The following ZNF423 variants were observed in gnomAD, a reference collection of about 807,000 sequenced individuals.
ZNF423 encodes the protein Ebf-associated zinc finger protein.
ZNF423 carries 12 observed loss-of-function variants against 95.8 expected under a neutral mutation model. The ratio of observed to expected loss-of-function variants is 0.13; its 90% CI spans 0.08 to 0.20. The LOEUF is 0.20. Among genes scored for constraint, ZNF423 ranks in the 10% least tolerant of loss-of-function variants. The pLI, the probability that ZNF423 is intolerant of heterozygous loss-of-function variation, is 1.00. For synonymous variants in ZNF423, 749 were observed against 711.9 expected, an observed-to-expected ratio of 1.05 and a Z score of -0.83; for missense variants, 1,316 against 1,737.1, an observed-to-expected ratio of 0.76 and a Z score of 4.31.
intron 1 of ZNF423, among the ~76,000 whole-genome samples, chr16:49,805,606 C>T (rs1301567416): frequency 1.3e-5 from 2 of 152,150 alleles, no homozygotes; most frequent in Admixed American, 6.5e-5. Context: ...AGGCAAAGCT[C>T]GCCAGGCAGG....
At position 49,529,091 on chromosome 16, in the gene ZNF423, G is replaced by C. The variant is rs535818256; in HGVS notation, c.3602-3597C>G. 9.2e-5 allele frequency among the ~76,000 whole-genome samples: 14 copies of C among 151,588 alleles called. No homozygotes were observed. The South Asian group carries it at 2.7e-3, about 29-fold the overall frequency. ...CAGCGTGGGGACTGGAGGATTTTGT[G>C]AGTTAAGACGCACAATTGCTTCCCT... is the stretch of plus-strand genomic sequence containing the variant. On this transcript the variant is annotated intron_variant, in intron 5 of 7. Transcript: ENST00000563137.
chr16:49,855,951 G>C lies in ZNF423; in HGVS notation c.-177C>G, dbSNP rs895385648. On this transcript the variant is annotated 5_prime_UTR_variant, in exon 1 of 8. Transcript: ENST00000563137. This position sits in a 1 kb window ranked among gnomAD's most constrained non-coding sequence, Gnocchi z 4.7. The stretch of plus-strand genomic sequence containing the variant: ...GCAGGTCCGGGGCGGCCTCCCTTGG[G>C]GGGGCAGCCCGGGCCGGCCGAGGCC... 7 of 150,654 alleles carry C rather than the reference G, an allele frequency of 4.6e-5. No homozygotes were observed. The highest frequency in any genetic ancestry group is 9.7e-5 in the African/African-American group (4 of 41,228). 9.3% of individuals were successfully genotyped at this position (150,654 alleles called of 1,614,324 possible).
chr16:49,851,874 C>T (rs1362623), intron 1 of ZNF423, among the ~76,000 whole-genome samples: 22,578 of 152,156 alleles, frequency 0.15, 2,041 homozygotes, highest in Non-Finnish European at 0.2. Context: ...AGCTGGGAAT[C>T]GATAACTTAA....
intron 1 of ZNF423, among the ~76,000 whole-genome samples, chr16:49,800,232 A>G (rs2034561122): frequency 6.7e-6 from 1 of 150,246 alleles, no homozygotes; most frequent in Non-Finnish European, 1.5e-5. Context: ...TGACAGAATG[A>G]GGCTCTGTCT....
rs764916396 is a variant in ZNF423, at chr16:49,822,678, T to G, written c.40+33057A>C. The G allele has an allele frequency of 3.9e-5, 63 of 1,612,196 alleles. 1 individual carries two copies. In the Middle Eastern group the frequency reaches 5.0e-4, roughly 13 times the overall value. The stretch of plus-strand genomic sequence containing the variant: ...AGGCCTCCCCTGCTCACCCCTCTTC[T>G]TATGCATCCATGTCTTTCTTCTTTT... On this transcript the variant is annotated intron_variant, in intron 1 of 7. Transcript: ENST00000563137.
chr16:49,514,760 G>T (rs1005106667), intron 7 of ZNF423, among the ~76,000 whole-genome samples: 2 of 152,158 alleles, frequency 1.3e-5, no homozygotes, highest in African/African-American at 4.8e-5. Flanking sequence ...CTTTGCCACC[G>T]CGGGCCCGGC....
chr16:49,836,688 G>C (rs2035123703), intron 1 of ZNF423, among the ~76,000 whole-genome samples: 1 of 152,146 alleles, frequency 6.6e-6, no homozygotes, highest in Admixed American at 6.5e-5. Flanking sequence ...GAAGCCCTCA[G>C]AGAGCCCTGG....
chr16:49,638,846 C>A lies in ZNF423; in HGVS notation c.330G>T (p.Trp110Cys). ...GDGDDDPQLSWVASSPSSKDV... is the reference protein window; with the variant it reads ...GDGDDDPQLSCVASSPSSKDV... ...CCTTGCTGGAGGGAGACGAGGCCACCCAGGAGAGTTGTGGGTCGTCATCAC... is the reference window on the plus strand; with the variant it reads ...CCTTGCTGGAGGGAGACGAGGCCACACAGGAGAGTTGTGGGTCGTCATCAC... The change falls in exon 4 of 8, where the codon TGG becomes TGT. Residue 110 changes from tryptophan (W) to cysteine (C), a missense_variant. Around this residue, in one of 6 missense-constraint regions of ZNF423, gnomAD observed 155 missense variants for 170.8 expected, o/e 0.91. Transcript: ENST00000563137. The surrounding 1 kb of genome is among the most constrained non-coding windows in gnomAD (Gnocchi z 5.6). 6.2e-7 allele frequency: 1 copy of A among 1,610,742 alleles called. No individual in the cohort carries two copies. Among genetic ancestry groups the A allele is most frequent in the South Asian group, 1.1e-5 (1 of 90,616 alleles).
chr16:49,747,779 T>G (rs1487567843), intron 2 of ZNF423, among the ~76,000 whole-genome samples: 1 of 152,254 alleles, frequency 6.6e-6, no homozygotes, highest in East Asian at 1.9e-4. Flanking sequence ...GAGAAGGCAC[T>G]GAAGAAGACA....
intron 5 of ZNF423, among the ~76,000 whole-genome samples, chr16:49,591,084 T>C (rs574621250): frequency 6.6e-6 from 1 of 152,316 alleles, no homozygotes; most frequent in Non-Finnish European, 1.5e-5. Flanking sequence ...GGGGAAATGA[T>C]TACAAAATAA....
At chr16:49,744,544 C>CCCCAGCTCGGGGTTGGGGTGTA (rs749451884) in intron 2 of ZNF423, among the ~76,000 whole-genome samples, 4,187 of 152,080 alleles carry the variant, frequency 0.028, 178 homozygotes, top group East Asian at 0.18. Flanking sequence ...GCCAGGGTGT[C>CCCCAGCTCGGGGTTGGGGTGTA]CCCAGCTCGG....
Position 49,855,595 on chromosome 16 carries a change from C to T in ZNF423, c.40+140G>A. On this transcript the variant is annotated intron_variant, in intron 1 of 7. Transcript: ENST00000563137. This position sits in a 1 kb window ranked among gnomAD's most constrained non-coding sequence, Gnocchi z 4.7. ...TCCTCCGCCTCCGCCTCCGCCTCCG[C>T]CTCCTCTGCCGCCTCCTCCTCCTCC... 5.5e-6 allele frequency: 1 copy of T among 183,306 alleles called. No individual in the cohort carries two copies. 11.4% of individuals were successfully genotyped at this position (183,306 alleles called of 1,614,324 possible).
At chr16:49,619,324 T>C (rs1971980061) in intron 5 of ZNF423, among the ~76,000 whole-genome samples, 1 of 152,160 alleles carries the variant, frequency 6.6e-6, no homozygotes, top group Admixed American at 6.5e-5. Context: ...AGGTTACTAC[T>C]AGAAGAAACC....
chr16:49,841,286 C>T (rs550260789), intron 1 of ZNF423, among the ~76,000 whole-genome samples: 1 of 152,302 alleles, frequency 6.6e-6, no homozygotes, highest in South Asian at 2.1e-4. Flanking sequence ...CTTCTCCTAT[C>T]CCCAGGCACA....
intron 4 of ZNF423, among the ~76,000 whole-genome samples, chr16:49,630,924 G>C (rs904532612): frequency 6.6e-6 from 1 of 151,900 alleles, no homozygotes; most frequent in Non-Finnish European, 1.5e-5. Flanking sequence ...ATACACACAA[G>C]ACACACACAC....
chr16:49,768,457 C>CA (rs1373383304), intron 2 of ZNF423, among the ~76,000 whole-genome samples: 3 of 152,352 alleles, frequency 2.0e-5, no homozygotes, highest in African/African-American at 7.2e-5. Context: ...CCGGTGTCAT[C>CA]AAGGTCACGG....
At chr16:49,678,286 CTG>C (rs2031206282) in intron 3 of ZNF423, among the ~76,000 whole-genome samples, 1 of 133,962 alleles carries the variant, frequency 7.5e-6, no homozygotes, top group African/African-American at 2.7e-5. Context: ...GTTTAGACAA[CTG>C]TGAGGTTTTT....
At chr16:49,704,673 T>C (rs1410593016) in intron 3 of ZNF423, among the ~76,000 whole-genome samples, 1 of 152,164 alleles carries the variant, frequency 6.6e-6, no homozygotes, top group Non-Finnish European at 1.5e-5. Flanking sequence ...GGAGGGAGTA[T>C]GAAGGTTTGT....
intron 3 of ZNF423, among the ~76,000 whole-genome samples, chr16:49,661,654 C>T (rs951460034): frequency 7.9e-5 from 12 of 152,220 alleles, no homozygotes; most frequent in African/African-American, 2.4e-4. Flanking sequence ...AATCAGCCAG[C>T]GACTGCACTG....
Sources: allele counts gnomAD v4.1 joint callset (sites outside exome capture counted in the v4.1 genomes callset), GRCh38; gene constraint gnomAD v4.1.1; regional missense constraint gnomAD v4.1.1; non-coding constraint Gnocchi (gnomAD v3.1); transcripts MANE v1.5; gene names NCBI Gene and HGNC (gene_info 2026-07-23, HGNC 2026-07-21).